The following RAI14 variants were observed in gnomAD, a reference collection of about 807,000 sequenced individuals.
The protein encoded by RAI14 is retinoic acid induced 14.
A neutral mutation model predicts 115.4 loss-of-function variants in RAI14; 45 were observed. That is an observed-to-expected ratio of 0.39 (90% CI 0.31 to 0.50). The LOEUF is 0.50. RAI14 is among the 20% of genes least tolerant of loss of function. The probability of loss-of-function intolerance (pLI) is 0.85; values close to 1 mark genes in which losing one functional copy is unlikely to be tolerated. For missense variants in RAI14, 939 were observed against 1,131.2 expected (o/e 0.83, Z 2.44); for synonymous variants, 371 against 415.4 (o/e 0.89, Z 1.30).
intron 2 of RAI14, among the ~76,000 whole-genome samples, chr5:34,756,187 A>AAAATTC (rs1747854503): frequency 1.3e-5 from 2 of 152,196 alleles, no homozygotes; most frequent in Non-Finnish European, 2.9e-5. Flanking sequence ...TCTGATGGAC[A>AAAATTC]AAGACTTGTT....
At chr5:34,753,548 G>A (rs191452641) in intron 2 of RAI14, among the ~76,000 whole-genome samples, 63 of 152,272 alleles carry the variant, frequency 4.1e-4, no homozygotes, top group Admixed American at 1.2e-3. Flanking sequence ...GGGAGGCCAA[G>A]GTGGGAGGAT....
At chr5:34,811,215 T>G in intron 8 of RAI14, 97 bp downstream of exon 8, 1 of 1,372,528 alleles carries the variant, frequency 7.3e-7, no homozygotes, top group South Asian at 1.3e-5. Context: ...TCATTTGTTA[T>G]AAGGGATTTT....
chr5:34,671,535 G>A (rs1487849637), intron 1 of RAI14, among the ~76,000 whole-genome samples: 2 of 151,948 alleles, frequency 1.3e-5, no homozygotes, highest in African/African-American at 4.8e-5. Context: ...GATGCTATGT[G>A]CTTGAAGGGA....
chr5:34,766,383 C>T (rs1454038393), intron 3 of RAI14, among the ~76,000 whole-genome samples: 2 of 152,120 alleles, frequency 1.3e-5, no homozygotes, highest in African/African-American at 4.8e-5. Flanking sequence ...CTGCACAAGA[C>T]CATGGGAGCC....
At position 34,752,737 on chromosome 5, in the gene RAI14, G is replaced by GTATATATATATATA. The variant is rs1188674461; in HGVS notation, c.37-4730_37-4729insATATATATATATAT. 1.6e-4 allele frequency among the ~76,000 whole-genome samples: 16 copies of GTATATATATATATA among 101,448 alleles called. 1 individual carries two copies. The highest frequency in any genetic ancestry group is 2.9e-4 in the Non-Finnish European group (14 of 48,486). 66.6% of individuals were successfully genotyped at this position (101,448 alleles called of 152,430 possible). A position where few individuals can be genotyped will look rare whatever the true frequency, so the allele number is the denominator to read the frequency against. On this transcript the variant is annotated intron_variant, in intron 2 of 17. Coordinates refer to ENST00000265109, the MANE Select transcript of RAI14 (RefSeq NM_015577.3). ...TGTGTGTGTGTGTGTGTGTGTGTGT[G>GTATATATATATATA]TGTGTGTGTGTGTATATATATATAT...
In RAI14 at chr5:34,803,687, T is replaced by A. The variant is rs1052818560; in HGVS notation, c.257-25T>A. The stretch of plus-strand genomic sequence containing the variant: ...TAAAGTGTGGCCTTTTTAAAAAAAA[T>A]TATTATTTGAAAAAATCCATTTAGG... On this transcript the variant is annotated intron_variant, in intron 4 of 17. Transcript: ENST00000265109. The A allele has an allele frequency of 2.2e-5, 35 of 1,565,752 alleles. No individual in the cohort carries two copies. In the Admixed American group the frequency reaches 3.3e-4, roughly 15 times the overall value.
At chr5:34,760,925 T>A (rs1319930956) in intron 3 of RAI14, among the ~76,000 whole-genome samples, 5 of 152,178 alleles carry the variant, frequency 3.3e-5, no homozygotes, top group African/African-American at 9.7e-5. Context: ...CTGGCAACCA[T>A]GAATCTGGGT....
At chr5:34,764,017 A>C (rs1169549721) in intron 3 of RAI14, among the ~76,000 whole-genome samples, 3 of 152,096 alleles carry the variant, frequency 2.0e-5, no homozygotes, top group Non-Finnish European at 4.4e-5. Context: ...ACACCTGGCT[A>C]ATTTTTTATT....
intron 1 of RAI14, among the ~76,000 whole-genome samples, chr5:34,672,392 G>T (rs1050350246): frequency 1.3e-5 from 2 of 152,146 alleles, no homozygotes; most frequent in African/African-American, 2.4e-5. Flanking sequence ...TGGGGTGTGG[G>T]GGGGGAGCAT....
At chr5:34,766,313 C>T (rs1749354305) in intron 3 of RAI14, among the ~76,000 whole-genome samples, 1 of 152,184 alleles carries the variant, frequency 6.6e-6, no homozygotes, top group African/African-American at 2.4e-5. Context: ...AGACACTCAA[C>T]ACCAGCCCGT....
intron 2 of RAI14, among the ~76,000 whole-genome samples, chr5:34,730,102 C>A (rs372427000): frequency 6.6e-6 from 1 of 152,114 alleles, no homozygotes; most frequent in African/African-American, 2.4e-5. Flanking sequence ...AGTTGATAAT[C>A]ATTGAAGCAG....
At chr5:34,704,863 G>T (rs191392352) in intron 2 of RAI14, among the ~76,000 whole-genome samples, 10 of 152,340 alleles carry the variant, frequency 6.6e-5, no homozygotes, top group Admixed American at 3.3e-4. Flanking sequence ...ATGGGACAAA[G>T]ATGTTAGCTT....
intron 2 of RAI14, among the ~76,000 whole-genome samples, chr5:34,756,457 C>T (rs1014604104): frequency 3.9e-5 from 6 of 152,112 alleles, no homozygotes; most frequent in African/African-American, 1.4e-4. Flanking sequence ...TGTCCACAGC[C>T]GAAGGGGCCA....
chr5:34,796,738 A>C (rs980986301), intron 4 of RAI14, among the ~76,000 whole-genome samples: 3 of 152,112 alleles, frequency 2.0e-5, no homozygotes, highest in Admixed American at 6.6e-5. Flanking sequence ...CCAGCTGCCC[A>C]CGATTCTCAC....
chr5:34,687,474 A>G, intron 2 of RAI14: 3 of 1,129,058 alleles, frequency 2.7e-6, no homozygotes, highest in South Asian at 2.5e-5. Flanking sequence ...CTCATTTGTT[A>G]TCTAACCAAT....
intron 2 of RAI14, among the ~76,000 whole-genome samples, chr5:34,711,008 A>G (rs1032642156): frequency 3.3e-5 from 5 of 152,144 alleles, no homozygotes; most frequent in Non-Finnish European, 5.9e-5. Flanking sequence ...AAGAGAAGTG[A>G]TGGGGGGTGC....
chr5:34,814,492 AT>A, intron 11 of RAI14, 90 bp from the exon 12 acceptor site: 1 of 905,276 alleles, frequency 1.1e-6, no homozygotes, highest in African/African-American at 1.7e-5. Context: ...ATTTCATTGC[AT>A]TGGTTAAACA....
At chr5:34,739,613 A>G (rs1402567132) in intron 2 of RAI14, among the ~76,000 whole-genome samples, 1 of 152,184 alleles carries the variant, frequency 6.6e-6, no homozygotes, top group Non-Finnish European at 1.5e-5. Context: ...AAAGCTGGCT[A>G]CTTCCTCAGT....
At position 34,738,542 on chromosome 5, in the gene RAI14, G is replaced by A. The variant is rs574627113; in HGVS notation, c.37-18926G>A. On this transcript the variant is annotated intron_variant, in intron 2 of 17. Transcript: ENST00000265109. ...GCCTCCCTTGTTTGCTTGGTGTGCTGTTGGTGTGGTGCCTTTTGTGGTGAC... is the reference window on the plus strand; with the variant it reads ...GCCTCCCTTGTTTGCTTGGTGTGCTATTGGTGTGGTGCCTTTTGTGGTGAC... Among the ~76,000 whole-genome samples, 50 of 152,296 alleles carry A rather than the reference G, an allele frequency of 3.3e-4. No individual in the cohort carries two copies. In the Middle Eastern group the frequency reaches 0.014, roughly 41 times the overall value.
Sources: allele counts gnomAD v4.1 joint callset (sites outside exome capture counted in the v4.1 genomes callset), GRCh38; gene constraint gnomAD v4.1.1; transcripts MANE v1.5; gene names NCBI Gene and HGNC (gene_info 2026-07-23, HGNC 2026-07-21).